The following RIF1 variants were observed in gnomAD, a reference collection of about 807,000 sequenced individuals.
RIF1 encodes telomere-associated protein RIF1.
Under a neutral mutation model 247.1 loss-of-function variants are expected in RIF1, and 45 were observed. That is an observed-to-expected ratio of 0.18 (90% CI 0.14 to 0.23). The LOEUF is 0.23. Ranked by LOEUF, RIF1 falls within the 10% of genes least tolerant of loss-of-function variation. The pLI is 1.00. For missense variants in RIF1, 2,967 were observed against 2,862.5 expected, an observed-to-expected ratio of 1.04 and a Z score of -0.83; for synonymous variants, 1,087 against 978.8, an observed-to-expected ratio of 1.11 and a Z score of -2.06.
rs200108983 is a variant in RIF1, at chr2:151,435,760, G to GTT, written c.1195+185_1195+186dup. ...AAAAAATCCATTATCATGTTTTTCTGTTTTTTGTTTTTTTTTTTTAATATT... is the reference window on the plus strand; with the variant it reads ...AAAAAATCCATTATCATGTTTTTCTGTTTTTTTTGTTTTTTTTTTTTAATATT... On this transcript the variant is annotated intron_variant, in intron 11 of 35. Coordinates refer to ENST00000444746, the MANE Select transcript of RIF1 (RefSeq NM_018151.5). 4.6e-3 allele frequency among the ~76,000 whole-genome samples: 679 copies of GTT among 148,864 alleles called. 1 individual carries two copies. The highest frequency in any genetic ancestry group is 6.9e-3 in the Middle Eastern group (2 of 290).
rs750804522 is a variant in RIF1 at position 151,464,412 on chromosome 2, A to G, written c.4892A>G (p.Gln1631Arg). ...KQDESNTVIC[Q>R]DSTVTSDLLQ... is the part of the protein sequence containing the mutation. ...GATGAAAGTAATACTGTAATATGTC[A>G]GGATTCTACAGTAACTTCAGATTTG... Residue 1631 changes from glutamine to arginine, a missense_variant, in exon 30 of 36, where the codon CAG becomes CGG. Gln to Arg is a conservative substitution (Grantham distance 43). This residue lies in a region of RIF1 where 2,028 missense variants were observed against 1,825.6 expected (regional missense o/e 1.11). Transcript: ENST00000444746. The G allele has an allele frequency of 5.0e-6, 8 of 1,613,198 alleles. No homozygotes were observed. In the Admixed American group the frequency reaches 5.0e-5, roughly 10 times the overall value.
chr2:151,518,420 G>C, the RIF1 span: 1 of 1,589,528 alleles, frequency 6.3e-7, no homozygotes. Context: ...TCTTGTACTG[G>C]TACTGAGGGG....
At chr2:151,462,648 AGT>A (rs112752759) in intron 29 of RIF1, among the ~76,000 whole-genome samples, 182 bp downstream of exon 29, 7 of 150,698 alleles carry the variant, frequency 4.6e-5, no homozygotes, top group South Asian at 2.1e-4. Context: ...GACACTAGTC[AGT>A]GTGTGTGTGT....
At chr2:151,534,096 C>G in the RIF1 span, 1 of 751,390 alleles carries the variant, frequency 1.3e-6, no homozygotes, top group Non-Finnish European at 2.2e-6. Flanking sequence ...TACTTTGAAA[C>G]AGAACAACCC....
Position 151,476,854 on chromosome 2 carries a change from T to C in RIF1, c.*1783T>C, listed in dbSNP as rs989787871. 2 of 152,216 alleles carry C rather than the reference T, an allele frequency of 1.3e-5. No individual in the cohort carries two copies. Among genetic ancestry groups the C allele is most frequent in the African/African-American group, 4.8e-5 (2 of 41,454 alleles). The allele number at this position is 152,216 out of a possible 1,614,324, so 9.4% of individuals were successfully genotyped here. A position where few individuals can be genotyped will look rare whatever the true frequency, so the allele number is the denominator to read the frequency against. ...GAATAAGCAGCTATGTATATGTGTT[T>C]GGGGCAGAGGGGAGCAGATTACTTT... is the stretch of plus-strand genomic sequence containing the variant. On this transcript the variant is annotated 3_prime_UTR_variant, in exon 36 of 36. Coordinates refer to ENST00000444746, the MANE Select transcript of RIF1 (RefSeq NM_018151.5).
rs1321189000 is a variant in RIF1 at position 151,469,847 on chromosome 2, A to C, written c.7078A>C (p.Ile2360Leu). Residue 2360 changes from isoleucine to leucine, a missense_variant, in exon 34 of 36, where the codon ATA becomes CTA. This residue lies in a region of RIF1 where 151 missense variants were observed against 163.4 expected (regional missense o/e 0.92). Coordinates refer to ENST00000444746, the MANE Select transcript of RIF1 (RefSeq NM_018151.5). Reference sequence around the variant, plus strand: ...GTCCAATGTAAAAAAGGCTCTCAGAATATATCATGAGCAGCAGGTAAAAAC... The same window carrying C: ...GTCCAATGTAAAAAAGGCTCTCAGACTATATCATGAGCAGCAGGTAAAAAC... ...KVSNVKKALR[I>L]YHEQQVKTRG... 6.2e-7 allele frequency: 1 copy of C among 1,606,092 alleles called. No homozygotes were observed. Among genetic ancestry groups the C allele is most frequent in the Admixed American group, 1.7e-5 (1 of 58,222 alleles).
chr2:151,505,200 G>A (rs1000188352), intron 12 of RIF1, among the ~76,000 whole-genome samples: 1 of 152,056 alleles, frequency 6.6e-6, no homozygotes, highest in Non-Finnish European at 1.5e-5. Flanking sequence ...CTTTGGAAAC[G>A]AATGGCATGA....
chr2:151,523,103 G>C, the RIF1 span, among the ~76,000 whole-genome samples: 1 of 151,964 alleles, frequency 6.6e-6, no homozygotes, highest in African/African-American at 2.4e-5. Context: ...ATATGACCTT[G>C]TACATTTAAA....
intron 11 of RIF1, among the ~76,000 whole-genome samples, chr2:151,500,738 C>T (rs1435723444): frequency 6.6e-6 from 1 of 151,878 alleles, no homozygotes; most frequent in Non-Finnish European, 1.5e-5. Context: ...GCTGAGACTA[C>T]AGGCATGTGC....
At chr2:151,490,602 T>C in intron 9 of RIF1, 1 of 1,473,556 alleles carries the variant, frequency 6.8e-7, no homozygotes, top group South Asian at 1.2e-5. Flanking sequence ...ATCTCAGTTA[T>C]TGTTATCTTT....
At chr2:151,440,288 G>A (rs1176112789) in intron 15 of RIF1, among the ~76,000 whole-genome samples, 161 bp downstream of exon 15, 1 of 152,088 alleles carries the variant, frequency 6.6e-6, no homozygotes, top group Admixed American at 6.6e-5. Flanking sequence ...ATTAACTGTA[G>A]AGTCATTTGA....
At chr2:151,425,244 T>C (rs2152242488) in intron 8 of RIF1, among the ~76,000 whole-genome samples, 1 of 152,246 alleles carries the variant, frequency 6.6e-6, no homozygotes, top group East Asian at 1.9e-4. Flanking sequence ...TTTGAGTAGG[T>C]TTGAATTTTT....
chr2:151,485,734 C>A, downstream of RIF1: 1 of 1,581,256 alleles, frequency 6.3e-7, no homozygotes, highest in South Asian at 1.2e-5. Flanking sequence ...GTAAGTCCTG[C>A]AGACAAGTGT....
At chr2:151,519,140 GAGAT>G in the RIF1 span, 4 of 934,326 alleles carry the variant, frequency 4.3e-6, no homozygotes, top group Middle Eastern at 4.2e-4. Flanking sequence ...AAATCAAAGT[GAGAT>G]AGCCCATCGT....
intron 11 of RIF1, among the ~76,000 whole-genome samples, chr2:151,500,007 T>C (rs567792534): frequency 3.3e-5 from 5 of 152,260 alleles, no homozygotes; most frequent in African/African-American, 1.2e-4. Flanking sequence ...TAGATACAAA[T>C]AATAATATAC....
Position 151,464,304 on chromosome 2 carries a change from TAAA to T in RIF1, c.4786_4788del (p.Lys1596del). 6.2e-7 allele frequency: 1 copy of T among 1,612,482 alleles called. No homozygotes were observed. ...GAGAAAGTGGTGAAACAGGAATGTA[TAAA>T]AGCTGAAAATCAGTCACATGATTAT... On this transcript the variant is annotated inframe_deletion, in exon 30 of 36. Coordinates refer to ENST00000444746, the MANE Select transcript of RIF1 (RefSeq NM_018151.5).
chr2:151,438,537 A>C lies in RIF1; in HGVS notation c.1484-147A>C, dbSNP rs1336082791. 3.3e-5 allele frequency: 20 copies of C among 607,038 alleles called. 1 individual carries two copies. Among genetic ancestry groups the C allele is most frequent in the Non-Finnish European group, 5.7e-5 (19 of 334,860 alleles). The allele number at this position is 607,038 out of a possible 1,614,324, so 37.6% of individuals were successfully genotyped here. A position where few individuals can be genotyped will look rare whatever the true frequency, so the allele number is the denominator to read the frequency against. ...CGAAGTGATAGTGTTTTATAAACTT[A>C]CTACAGGGTTGAGTATCATGAGGAA... On this transcript the variant is annotated intron_variant, in intron 13 of 35. Coordinates refer to ENST00000444746, the MANE Select transcript of RIF1 (RefSeq NM_018151.5).
At position 151,437,304 on chromosome 2, in the gene RIF1, T is replaced by C. The variant is rs573122351; in HGVS notation, c.1436T>C (p.Ile479Thr). ...TTTTCCAAACATGCAAATACACTTA[T>C]CACTGCTGTTCATGATAGCTTTGTT... The part of the protein sequence containing the change: ...SFFSKHANTL[I>T]TAVHDSFVAV... Residue 479 changes from isoleucine to threonine, a missense_variant, in exon 13 of 36, where the codon ATC becomes ACC. Physicochemically the swap from Ile to Thr is moderately conservative, Grantham distance 89 (BLOSUM62 -1). Transcript: ENST00000444746. The C allele has an allele frequency of 3.5e-5, 57 of 1,613,938 alleles. No homozygotes were observed. The highest frequency in any genetic ancestry group is 6.6e-5 in the South Asian group (6 of 91,088).
At position 151,465,334 on chromosome 2, in the gene RIF1, T is replaced by C. The variant is rs139052966; in HGVS notation, c.5814T>C (p.Ser1938=). 1 of 1,613,924 alleles carries C rather than the reference T, an allele frequency of 6.2e-7. No homozygotes were observed. Among genetic ancestry groups the C allele is most frequent in the Non-Finnish European group, 8.5e-7 (1 of 1,179,986 alleles). Reference sequence around the variant, plus strand: ...AAGAGAGAACCAAAACTGGTATTTCTGAAGAAGCAGCAATAGAAGAAAATA... The same window carrying C: ...AAGAGAGAACCAAAACTGGTATTTCCGAAGAAGCAGCAATAGAAGAAAATA... ...HGQERTKTGI[S]EEAAIEENKR... The change falls in exon 30 of 36, where the codon TCT becomes TCC. Residue 1938 remains serine, a synonymous_variant. Transcript: ENST00000444746.
Sources: gnomAD v4.1 joint callset for allele counts (sites outside exome capture counted in the v4.1 genomes callset) on GRCh38, gnomAD v4.1.1 for gene constraint, gnomAD v4.1.1 regional missense constraint, MANE v1.5 for transcripts, NCBI Gene and HGNC (gene_info 2026-07-23, HGNC 2026-07-21) for gene names.